Variants in ROR2 observed in about 807,000 individuals in gnomAD.
ROR2 encodes ROR family WNT receptor 2.
Under a neutral mutation model 74.9 loss-of-function variants are expected in ROR2, and 33 were observed. The observed-to-expected ratio is 0.44, with a 90% confidence interval of 0.33 to 0.59. The LOEUF is 0.59. Ranked by LOEUF, ROR2 falls within the 20% of genes least tolerant of loss-of-function variation. The pLI is 0.02. For synonymous variants in ROR2, 586 were observed against 558.7 expected (o/e 1.05, Z -0.69); for missense variants, 1,216 against 1,313.8 (o/e 0.93, Z 1.15).
intron 1 of ROR2, among the ~76,000 whole-genome samples, chr9:91,855,374 A>G (rs1829246217): frequency 6.6e-6 from 1 of 152,240 alleles, no homozygotes; most frequent in Non-Finnish European, 1.5e-5. Context: ...CTCAGCCCAG[A>G]GAGATCAGGG....
intron 1 of ROR2, among the ~76,000 whole-genome samples, chr9:91,793,376 G>GA (rs962361326): frequency 7.9e-4 from 115 of 146,184 alleles, no homozygotes; most frequent in African/African-American, 2.5e-3. Context: ...AGTTATTTGA[G>GA]AAAAAAAAAA....
chr9:91,838,544 C>T (rs1828682809), intron 1 of ROR2, among the ~76,000 whole-genome samples: 1 of 152,168 alleles, frequency 6.6e-6, no homozygotes, highest in Admixed American at 6.5e-5. Flanking sequence ...TGCGGGGTTT[C>T]ATTCCGAGTT....
intron 1 of ROR2, among the ~76,000 whole-genome samples, chr9:91,808,164 A>C (rs986100969): frequency 1.3e-5 from 2 of 152,188 alleles, no homozygotes; most frequent in Non-Finnish European, 1.5e-5. Flanking sequence ...TGACAGTAAA[A>C]CACTGAAGTG....
At chr9:91,894,524 C>T (rs950388941) in intron 1 of ROR2, among the ~76,000 whole-genome samples, 2 of 152,092 alleles carry the variant, frequency 1.3e-5, no homozygotes, top group Non-Finnish European at 2.9e-5. Context: ...CAGGCACATT[C>T]GAGGTATAAG....
rs571129655 is a variant in ROR2, at chr9:91,878,821, T to C, written c.97+71046A>G. Reference sequence around the variant, plus strand: ...GGCCGGGCGCAGTGGCTCACGCCTGTAATCCCAGCACTTTGGGAGGCCGAG... The same window carrying C: ...GGCCGGGCGCAGTGGCTCACGCCTGCAATCCCAGCACTTTGGGAGGCCGAG... On this transcript the variant is annotated intron_variant, in intron 1 of 8. Coordinates refer to ENST00000375708, the MANE Select transcript of ROR2 (RefSeq NM_004560.4). Among the ~76,000 whole-genome samples, 21 of 152,324 alleles carry C rather than the reference T, an allele frequency of 1.4e-4. No homozygotes were observed. The South Asian group carries it at 4.3e-3, about 32-fold the overall frequency.
intron 1 of ROR2, among the ~76,000 whole-genome samples, chr9:91,833,574 C>A (rs1828530032): frequency 6.6e-6 from 1 of 152,140 alleles, no homozygotes; most frequent in Non-Finnish European, 1.5e-5. Flanking sequence ...CTGAGCACTC[C>A]TTTCCATGCA....
rs542499117 is a variant in ROR2 at position 91,885,868 on chromosome 9, C to CTTT, written c.97+63996_97+63998dup. 3.2e-3 allele frequency among the ~76,000 whole-genome samples: 346 copies of CTTT among 108,040 alleles called. 5 individuals are homozygous for CTTT. Among genetic ancestry groups the CTTT allele is most frequent in the East Asian group, 0.017 (60 of 3,518 alleles). The allele number at this position is 108,040 out of a possible 152,430, so 70.9% of individuals were successfully genotyped here. A position where few individuals can be genotyped will look rare whatever the true frequency, so the allele number is the denominator to read the frequency against. On this transcript the variant is annotated intron_variant, in intron 1 of 8. Transcript: ENST00000375708. ...CCTTTTTAAGTAGCAGTATGGTTTC[C>CTTT]TTTTTTTTTTTTTTTTTTTTTTGAG...
At chr9:91,868,949 T>C (rs1305935560) in intron 1 of ROR2, among the ~76,000 whole-genome samples, 3 of 152,234 alleles carry the variant, frequency 2.0e-5, no homozygotes, top group Non-Finnish European at 4.4e-5. Flanking sequence ...AGTTTGGCTG[T>C]TTCTTATAAA....
At position 91,835,009 on chromosome 9, in the gene ROR2, T is replaced by G. The variant is rs137945114; in HGVS notation, c.98-59191A>C. 2.7e-3 allele frequency among the ~76,000 whole-genome samples: 397 copies of G among 147,574 alleles called. 2 individuals are homozygous for G. Among genetic ancestry groups the G allele is most frequent in the African/African-American group, 7.2e-3 (292 of 40,766 alleles). Reference sequence around the variant, plus strand: ...CTCTGGGCACAAACGTCACTGTGGGTGGGTGGGCCAGGGATGAGGAGCCTG... The same window carrying G: ...CTCTGGGCACAAACGTCACTGTGGGGGGGTGGGCCAGGGATGAGGAGCCTG... On this transcript the variant is annotated intron_variant, in intron 1 of 8. Transcript: ENST00000375708.
Position 91,735,416 on chromosome 9 carries a change from G to C in ROR2, c.622+1975C>G, listed in dbSNP as rs571533415. On this transcript the variant is annotated intron_variant, in intron 5 of 8. Transcript: ENST00000375708. ...CTAAAAGATGCTATAAAACCAGGCT[G>C]CTTGGATGCAAGCTGATTCCTTAAA... is the stretch of plus-strand genomic sequence containing the variant. Among the ~76,000 whole-genome samples, 3 of 152,118 alleles carry C rather than the reference G, an allele frequency of 2.0e-5. No homozygotes were observed. In the South Asian group the frequency reaches 6.2e-4, roughly 32 times the overall value.
intron 1 of ROR2, among the ~76,000 whole-genome samples, chr9:91,892,460 A>G (rs553677387): frequency 3.0e-4 from 45 of 151,770 alleles, no homozygotes; most frequent in African/African-American, 1.1e-3. Context: ...ACCTATCTCA[A>G]TGGGTTCTTG....
chr9:91,860,391 C>G (rs112702435), intron 1 of ROR2, among the ~76,000 whole-genome samples: 15 of 152,278 alleles, frequency 9.9e-5, no homozygotes, highest in African/African-American at 2.9e-4. Context: ...GGAAGATAGT[C>G]CATCTTTGAG....
In ROR2 at chr9:91,905,916, A is replaced by G. The variant is rs1239020022; in HGVS notation, c.97+43951T>C. Reference sequence around the variant, plus strand: ...CATATTAAAGAAAATGCAGAAAATTACAGACTACATTTATGTGCAACCCTG... The same window carrying G: ...CATATTAAAGAAAATGCAGAAAATTGCAGACTACATTTATGTGCAACCCTG... On this transcript the variant is annotated intron_variant, in intron 1 of 8. Coordinates refer to ENST00000375708, the MANE Select transcript of ROR2 (RefSeq NM_004560.4). This position sits in a 1 kb window ranked among gnomAD's most constrained non-coding sequence, Gnocchi z 5.3. Among the ~76,000 whole-genome samples, 1 of 152,086 alleles carries G rather than the reference A, an allele frequency of 6.6e-6. No homozygotes were observed. Among genetic ancestry groups the G allele is most frequent in the African/African-American group, 2.4e-5 (1 of 41,414 alleles).
At chr9:91,932,601 T>C (rs1587856753) in intron 1 of ROR2, among the ~76,000 whole-genome samples, 1 of 150,916 alleles carries the variant, frequency 6.6e-6, no homozygotes, top group African/African-American at 2.4e-5. Flanking sequence ...GAGGCGGAGG[T>C]TGCAGTGAGC....
At chr9:91,821,488 C>A (rs1176045647) in intron 1 of ROR2, among the ~76,000 whole-genome samples, 1 of 152,130 alleles carries the variant, frequency 6.6e-6, no homozygotes, top group African/African-American at 2.4e-5. Flanking sequence ...CAGCAGCCTG[C>A]TCCCTCAGCA....
chr9:91,815,174 T>C (rs749802625), intron 1 of ROR2, among the ~76,000 whole-genome samples: 70 of 152,256 alleles, frequency 4.6e-4, no homozygotes, highest in Non-Finnish European at 9.7e-4. Flanking sequence ...TTATATAGAT[T>C]ATGTTTCAAG....
rs1825784256 is a variant in ROR2, at chr9:91,757,266, A to G, written c.463+6T>C. On this transcript the variant is annotated splice_donor_region_variant and intron_variant, in intron 3 of 8. Transcript: ENST00000375708. The stretch of plus-strand genomic sequence containing the variant: ...CTAACCCACACAATTTCACTGTCCA[A>G]CTCACCCAGCCGCACAAACAGGACG... 1 of 1,613,260 alleles carries G rather than the reference A, an allele frequency of 6.2e-7. No homozygotes were observed. The highest frequency in any genetic ancestry group is 1.7e-5 in the Admixed American group (1 of 59,944).
chr9:91,773,335 C>T (rs1826301579), intron 2 of ROR2, among the ~76,000 whole-genome samples: 1 of 152,136 alleles, frequency 6.6e-6, no homozygotes, highest in Non-Finnish European at 1.5e-5. Flanking sequence ...TCAACTGCAT[C>T]CTCTGCTTCT....
At chr9:91,910,128 G>A (rs1830937509) in intron 1 of ROR2, among the ~76,000 whole-genome samples, 1 of 151,958 alleles carries the variant, frequency 6.6e-6, no homozygotes, top group African/African-American at 2.4e-5. Context: ...CCAAAGTGCT[G>A]GGATTACAGG....
Sources: allele counts gnomAD v4.1 joint callset (sites outside exome capture counted in the v4.1 genomes callset), GRCh38; gene constraint gnomAD v4.1.1; non-coding constraint Gnocchi (gnomAD v3.1); transcripts MANE v1.5; gene names NCBI Gene and HGNC (gene_info 2026-07-23, HGNC 2026-07-21).